Variants in ADRA1B observed in about 807,000 individuals in gnomAD.
ADRA1B encodes adrenoceptor alpha 1B, also known as alpha-1B adrenergic receptor.
Under a neutral mutation model 17.9 loss-of-function variants are expected in ADRA1B, and 17 were observed. That is an observed-to-expected ratio of 0.95 (90% CI 0.65 to 1.42). ADRA1B has a LOEUF of 1.42. Among genes scored for constraint, ADRA1B ranks in the 40% most tolerant of loss-of-function variants. The pLI, the probability that ADRA1B is intolerant of heterozygous loss-of-function variation, is 0.00. For missense variants in ADRA1B, 681 were observed against 722.1 expected (o/e 0.94, Z 0.65); for synonymous variants, 366 against 327.6 (o/e 1.12, Z -1.27).
chr5:159,912,352 T>C (rs1193199889), upstream of ADRA1B, among the ~76,000 whole-genome samples: 1 of 152,234 alleles, frequency 6.6e-6, no homozygotes, highest in Non-Finnish European at 1.5e-5. Context: ...ACCAGGGTCA[T>C]AGTAAACATT....
chr5:159,929,985 A>G (rs1754757753), intron 1 of ADRA1B, among the ~76,000 whole-genome samples: 1 of 152,206 alleles, frequency 6.6e-6, no homozygotes, highest in South Asian at 2.1e-4. Flanking sequence ...TTTTAGAAAC[A>G]CTTCAGTGAA....
At chr5:159,892,953 T>C (rs1299438433) in intron 1 of ADRA1B, among the ~76,000 whole-genome samples, 1 of 152,224 alleles carries the variant, frequency 6.6e-6, no homozygotes, top group African/African-American at 2.4e-5. Context: ...TCCCACCAAC[T>C]GTGTAAAATC....
At chr5:159,943,927 C>T (rs77437612) in intron 1 of ADRA1B, among the ~76,000 whole-genome samples, 93 of 151,670 alleles carry the variant, frequency 6.1e-4, no homozygotes, top group Admixed American at 5.3e-3. Context: ...CACACACACA[C>T]ACACACACAC....
At chr5:159,874,243 C>G (rs1753779612) in intron 1 of ADRA1B, among the ~76,000 whole-genome samples, 1 of 152,206 alleles carries the variant, frequency 6.6e-6, no homozygotes, top group South Asian at 2.1e-4. Flanking sequence ...CAAAAGCCAT[C>G]AAGTCCACCT....
intron 1 of ADRA1B, chr5:159,868,906 T>C (rs1161172269): frequency 6.6e-6 from 1 of 152,176 alleles, no homozygotes; most frequent in Admixed American, 6.5e-5. Flanking sequence ...AAGGACATAG[T>C]TTCCAGAAAT....
rs567109309 is a variant in ADRA1B, at chr5:159,917,486, A to G, written c.581A>G (p.Glu194Gly). 1 of 1,614,052 alleles carries G rather than the reference A, an allele frequency of 6.2e-7. No individual in the cohort carries two copies. The highest frequency in any genetic ancestry group is 8.5e-7 in the Non-Finnish European group (1 of 1,179,992). ...WKEPAPNDDK[E>G]CGVTEEPFYA... is the part of the protein sequence containing the mutation. Reference sequence around the variant, plus strand: ...GAGCCGGCACCCAACGATGACAAGGAGTGCGGGGTCACCGAAGAACCCTTC... The same window carrying G: ...GAGCCGGCACCCAACGATGACAAGGGGTGCGGGGTCACCGAAGAACCCTTC... The change falls in exon 1 of 2, where the codon GAG (glutamate) becomes GGG (glycine). Residue 194 changes from glutamate to glycine, a missense_variant. Physicochemically the swap from Glu to Gly is moderately conservative, Grantham distance 98. This residue lies in a region of ADRA1B where 424 missense variants were observed against 480.2 expected (regional missense o/e 0.88). Coordinates refer to ENST00000306675, the MANE Select transcript of ADRA1B (RefSeq NM_000679.4).
At chr5:159,963,672 A>G (rs1755720739) in intron 1 of ADRA1B, among the ~76,000 whole-genome samples, 1 of 152,196 alleles carries the variant, frequency 6.6e-6, no homozygotes, top group South Asian at 2.1e-4. Context: ...AGAGCTTGTT[A>G]AATGGTAGCT....
intron 1 of ADRA1B, among the ~76,000 whole-genome samples, chr5:159,908,969 C>T (rs554402503): frequency 7.2e-5 from 11 of 152,258 alleles, no homozygotes; most frequent in Admixed American, 2.6e-4. Context: ...CCCCATTCCC[C>T]GAGCACTCAC....
intron 1 of ADRA1B, among the ~76,000 whole-genome samples, chr5:159,907,572 C>G (rs1561587025): frequency 1.3e-5 from 2 of 151,780 alleles, no homozygotes; most frequent in Non-Finnish European, 2.9e-5. Context: ...GAGAGATTAA[C>G]AGAGAAAATC....
At chr5:159,916,089 C>CAA (rs1467253228), upstream of ADRA1B, 2 of 152,328 alleles carry the variant, frequency 1.3e-5, no homozygotes, top group Non-Finnish European at 1.5e-5. Flanking sequence ...CCCACCTGCC[C>CAA]AATCCTAGAA....
chr5:159,903,747 C>A (rs986057207), intron 1 of ADRA1B, among the ~76,000 whole-genome samples: 4 of 152,190 alleles, frequency 2.6e-5, no homozygotes, highest in African/African-American at 9.7e-5. Flanking sequence ...GGCTCCAAAC[C>A]TCACATCCCC....
chr5:159,918,649 C>T (rs539594845), intron 1 of ADRA1B, among the ~76,000 whole-genome samples: 1 of 152,332 alleles, frequency 6.6e-6, no homozygotes, highest in African/African-American at 2.4e-5. Context: ...TCAGTGCGTC[C>T]TCCCCCTCTT....
At chr5:159,954,805 A>G (rs1230876910) in intron 1 of ADRA1B, among the ~76,000 whole-genome samples, 1 of 152,162 alleles carries the variant, frequency 6.6e-6, no homozygotes. Context: ...CACAGGCAAT[A>G]ACACCGAACA....
intron 1 of ADRA1B, among the ~76,000 whole-genome samples, chr5:159,884,131 A>G (rs909003789): frequency 2.0e-5 from 3 of 152,222 alleles, no homozygotes; most frequent in Admixed American, 6.5e-5. Flanking sequence ...CAAATCAATT[A>G]TGGATGTAGA....
intron 1 of ADRA1B, among the ~76,000 whole-genome samples, chr5:159,923,968 C>G (rs925543558): frequency 1.3e-5 from 2 of 152,262 alleles, no homozygotes; most frequent in Non-Finnish European, 2.9e-5. Flanking sequence ...GGTTCAGTAC[C>G]TTGCCCAAGA....
At chr5:159,878,140 C>T (rs532027807) in intron 1 of ADRA1B, among the ~76,000 whole-genome samples, 3 of 152,304 alleles carry the variant, frequency 2.0e-5, no homozygotes, top group South Asian at 2.1e-4. Context: ...TCCGACAGTC[C>T]GGGACGCCAG....
rs983817356 is a variant in ADRA1B at position 159,939,343 on chromosome 5, T to C, written c.949+21489T>C. Among the ~76,000 whole-genome samples, 7 of 136,146 alleles carry C rather than the reference T, an allele frequency of 5.1e-5. No homozygotes were observed. In the East Asian group the frequency reaches 1.3e-3, roughly 26 times the overall value. The allele number at this position is 136,146 out of a possible 152,430, so 89.3% of individuals were successfully genotyped here. Reference sequence around the variant, plus strand: ...TGTGTGCGCGCGCGCGCGCACACAATGCACTGAGGATAGTTCAGCCCAAGG... The same window carrying C: ...TGTGTGCGCGCGCGCGCGCACACAACGCACTGAGGATAGTTCAGCCCAAGG... On this transcript the variant is annotated intron_variant, in intron 1 of 1. Coordinates refer to ENST00000306675, the MANE Select transcript of ADRA1B (RefSeq NM_000679.4).
the ADRA1B span, among the ~76,000 whole-genome samples, chr5:159,986,608 C>T: frequency 1.3e-5 from 2 of 152,170 alleles, no homozygotes; most frequent in African/African-American, 4.8e-5. Flanking sequence ...TACCGACTCA[C>T]AGTCACCTCC....
chr5:159,895,103 G>T (rs1754027861), intron 1 of ADRA1B, among the ~76,000 whole-genome samples: 1 of 152,152 alleles, frequency 6.6e-6, no homozygotes, highest in Non-Finnish European at 1.5e-5. Flanking sequence ...TTCAGCACTT[G>T]CCTCTGTACC....
Sources: allele counts gnomAD v4.1 joint callset (sites outside exome capture counted in the v4.1 genomes callset), GRCh38; gene constraint gnomAD v4.1.1; regional missense constraint gnomAD v4.1.1; transcripts MANE v1.5; gene names NCBI Gene and HGNC (gene_info 2026-07-23, HGNC 2026-07-21).